The following SLC4A4 variants were observed in gnomAD, a reference collection of about 807,000 sequenced individuals.
SLC4A4 encodes electrogenic sodium bicarbonate cotransporter 1.
Under a neutral mutation model 111.5 loss-of-function variants are expected in SLC4A4, and 27 were observed. The ratio of observed to expected loss-of-function variants is 0.24; its 90% CI spans 0.18 to 0.33. SLC4A4 has a LOEUF of 0.33. SLC4A4 is among the 10% of genes least tolerant of loss of function. The pLI, the probability that SLC4A4 is intolerant of heterozygous loss-of-function variation, is 1.00. For synonymous variants in SLC4A4, 443 were observed against 463.4 expected (o/e 0.96, Z 0.57); for missense variants, 909 against 1,315.5 (o/e 0.69, Z 4.78).
chr4:71,283,612 T>G (rs995723734), intron 3 of SLC4A4, among the ~76,000 whole-genome samples: 4 of 152,216 alleles, frequency 2.6e-5, no homozygotes, highest in Admixed American at 6.5e-5. Context: ...CAACATTATT[T>G]CTATATCTCC....
intron 6 of SLC4A4, among the ~76,000 whole-genome samples, chr4:71,372,506 C>T (rs778382132): frequency 2.0e-5 from 3 of 152,200 alleles, no homozygotes; most frequent in Admixed American, 6.5e-5. Flanking sequence ...TCACTCTTAG[C>T]GCTTATCTGT....
chr4:71,470,254 A>G, intron 13 of SLC4A4, among the ~76,000 whole-genome samples: 1 of 152,028 alleles, frequency 6.6e-6, no homozygotes, highest in South Asian at 2.1e-4. Context: ...TGTTCCGGAC[A>G]CAAAGCAAAC....
At chr4:71,458,400 A>G (rs950063210) in intron 12 of SLC4A4, among the ~76,000 whole-genome samples, 2 of 152,204 alleles carry the variant, frequency 1.3e-5, no homozygotes, top group South Asian at 4.1e-4. Flanking sequence ...TTAAATCTAC[A>G]TTGTTGATTG....
At chr4:71,325,177 A>G (rs1018430507) in intron 3 of SLC4A4, among the ~76,000 whole-genome samples, 1 of 152,030 alleles carries the variant, frequency 6.6e-6, no homozygotes, top group Non-Finnish European at 1.5e-5. Context: ...GTTGGGGTAA[A>G]GGTATGTTAA....
intron 15 of SLC4A4, among the ~76,000 whole-genome samples, chr4:71,495,353 G>T (rs1730309568): frequency 6.6e-6 from 1 of 152,010 alleles, no homozygotes; most frequent in Admixed American, 6.6e-5. Context: ...TTAAATTTTT[G>T]CTGATTTTAA....
At chr4:71,214,431 A>G (rs991607551) in intron 1 of SLC4A4, among the ~76,000 whole-genome samples, 4 of 152,152 alleles carry the variant, frequency 2.6e-5, no homozygotes, top group Non-Finnish European at 5.9e-5. Flanking sequence ...ACGCATCATC[A>G]TGGCAAAGGC....
chr4:71,146,960 C>G (rs1190416407), intron 2 of SLC4A4, among the ~76,000 whole-genome samples: 2 of 152,228 alleles, frequency 1.3e-5, no homozygotes, highest in South Asian at 2.1e-4. Flanking sequence ...GATAAAGAGT[C>G]AAGACCCATC....
intron 18 of SLC4A4, among the ~76,000 whole-genome samples, chr4:71,541,931 T>C (rs1312817924): frequency 6.6e-6 from 1 of 152,176 alleles, no homozygotes. Flanking sequence ...AAAGGACCAG[T>C]ATTTGAATAT....
intron 1 of SLC4A4, among the ~76,000 whole-genome samples, chr4:71,189,886 G>A (rs1745653703): frequency 6.6e-6 from 1 of 152,188 alleles, no homozygotes; most frequent in Non-Finnish European, 1.5e-5. Flanking sequence ...AAACTGAGAA[G>A]AGGAAAATCT....
chr4:71,358,993 A>G (rs976353540), intron 6 of SLC4A4, among the ~76,000 whole-genome samples: 8 of 152,232 alleles, frequency 5.3e-5, no homozygotes, highest in Non-Finnish European at 1.0e-4. Flanking sequence ...AAATACTGCT[A>G]TATTTTCAAA....
Position 71,441,202 on chromosome 4 carries a change from A to G in SLC4A4, c.965+429A>G, listed in dbSNP as rs546122442. Among the ~76,000 whole-genome samples, 7 of 152,324 alleles carry G rather than the reference A, an allele frequency of 4.6e-5. No individual in the cohort carries two copies. In the South Asian group the frequency reaches 1.4e-3, roughly 32 times the overall value. On this transcript the variant is annotated intron_variant, in intron 8 of 25. Transcript: ENST00000264485. ...AGTAGGTTTATACACACATATATAT[A>G]TTAAAATCATCAAGCTGTATACTTA...
At chr4:71,090,870 T>C (rs79590598) in intron 1 of SLC4A4, among the ~76,000 whole-genome samples, 1,816 of 152,288 alleles carry the variant, frequency 0.012, 33 homozygotes, top group African/African-American at 0.042. Flanking sequence ...CAGAAGGAAG[T>C]TGGGCCAAAT....
intron 2 of SLC4A4, among the ~76,000 whole-genome samples, chr4:71,098,984 A>ACTT (rs1463480227): frequency 6.6e-6 from 1 of 152,202 alleles, no homozygotes; most frequent in African/African-American, 2.4e-5. Flanking sequence ...CTACAAAGAA[A>ACTT]CTTAGACTCC....
chr4:71,364,636 G>A (rs956293773), intron 6 of SLC4A4, among the ~76,000 whole-genome samples: 1 of 152,156 alleles, frequency 6.6e-6, no homozygotes, highest in Non-Finnish European at 1.5e-5. Context: ...CCATTCCTGA[G>A]GGTGGAGCTC....
chr4:71,166,182 T>G (rs1744739458), intron 2 of SLC4A4, among the ~76,000 whole-genome samples: 1 of 152,216 alleles, frequency 6.6e-6, no homozygotes, highest in African/African-American at 2.4e-5. Flanking sequence ...GAAATATTGT[T>G]TATTGTTAAC....
At chr4:71,310,910 T>G (rs1315886659) in intron 3 of SLC4A4, among the ~76,000 whole-genome samples, 3 of 152,154 alleles carry the variant, frequency 2.0e-5, no homozygotes, top group African/African-American at 7.2e-5. Flanking sequence ...CAAGACCCAT[T>G]GGTGTGCTAT....
chr4:71,564,104 G>T (rs965402498), intron 24 of SLC4A4, among the ~76,000 whole-genome samples: 5 of 151,560 alleles, frequency 3.3e-5, no homozygotes, highest in Non-Finnish European at 7.4e-5. Context: ...TTATTTGGTA[G>T]TCTTTTCTCT....
intron 3 of SLC4A4, among the ~76,000 whole-genome samples, chr4:71,261,906 TGC>T (rs1721884297): frequency 6.6e-6 from 1 of 152,076 alleles, no homozygotes; most frequent in South Asian, 2.1e-4. Flanking sequence ...CGTGCTGGGG[TGC>T]TCAGGGCTAA....
intron 3 of SLC4A4, among the ~76,000 whole-genome samples, chr4:71,294,572 T>C (rs1048376354): frequency 1.1e-4 from 16 of 152,208 alleles, no homozygotes; most frequent in African/African-American, 3.9e-4. Flanking sequence ...TAGGAGAGCA[T>C]TCCCGAACTC....
Sources: allele counts gnomAD v4.1 joint callset (sites outside exome capture counted in the v4.1 genomes callset), GRCh38; gene constraint gnomAD v4.1.1; transcripts MANE v1.5; gene names NCBI Gene and HGNC (gene_info 2026-07-23, HGNC 2026-07-21).